Variants in TRAPPC2L observed in about 807,000 individuals in gnomAD.
TRAPPC2L encodes trafficking protein particle complex subunit 2-like protein.
TRAPPC2L carries 17 observed loss-of-function variants against 13.2 expected under a neutral mutation model. The observed-to-expected ratio is 1.29, with a 90% CI of 0.88 to 1.93. TRAPPC2L has a LOEUF of 1.93. Among genes scored for constraint, TRAPPC2L ranks in the 30% most tolerant of loss-of-function variants. The pLI is 0.00. For missense variants in TRAPPC2L, 359 were observed against 252.1 expected, an observed-to-expected ratio of 1.42 and a Z score of -2.87; for synonymous variants, 150 against 98.1, an observed-to-expected ratio of 1.53 and a Z score of -3.12.
At chr16:88,856,447 C>G (rs1967889524), upstream of TRAPPC2L, 1 of 700,506 alleles carries the variant, frequency 1.4e-6, no homozygotes, top group African/African-American at 1.7e-5. Flanking sequence ...CGCCGGCCAC[C>G]CACCTGCCAG....
exon 4 of TRAPPC2L, chr16:88,861,086 C>T (rs1347386544): frequency 2.6e-5 from 23 of 879,290 alleles, no homozygotes; most frequent in Non-Finnish European, 3.2e-5. Context: ...TGTGCATGTT[C>T]TCTCAACTAA....
chr16:88,861,671 C>T (rs372922390), exon 4 of TRAPPC2L: 25 of 493,378 alleles, frequency 5.1e-5, no homozygotes, highest in African/African-American at 1.8e-4. Flanking sequence ...GCGGCCGAGC[C>T]CATAGTGGCG....
chr16:88,856,462 G>A, upstream of TRAPPC2L: 2 of 700,390 alleles, frequency 2.9e-6, no homozygotes, highest in South Asian at 1.5e-5. Flanking sequence ...TGCCAGGGAG[G>A]ACGCTGTCCC....
exon 4 of TRAPPC2L, chr16:88,861,992 C>G (rs1035193555): frequency 9.8e-6 from 2 of 204,930 alleles, no homozygotes; most frequent in Admixed American, 6.0e-5. Context: ...CTCCCCCGCC[C>G]CAGGGTGAAT....
chr16:88,862,634 T>C (rs1968464232), exon 4 of TRAPPC2L: 1 of 68,892 alleles, frequency 1.5e-5, no homozygotes, highest in African/African-American at 9.7e-5. Flanking sequence ...TAAATTCAGC[T>C]TTTTTTTTAA....
At chr16:88,856,959 C>CG (rs1235054403), upstream of TRAPPC2L, 491 of 1,428,628 alleles carry the variant, frequency 3.4e-4, 2 homozygotes, top group South Asian at 1.2e-3. Flanking sequence ...GGCTGCGGGG[C>CG]GGGGCCTGGA....
chr16:88,860,000 CCTT>C, exon 4 of TRAPPC2L: 1 of 1,607,306 alleles, frequency 6.2e-7, no homozygotes, highest in Non-Finnish European at 8.5e-7. Flanking sequence ...TGTCTTGCCA[CCTT>C]CTTTCTGTAG....
In TRAPPC2L at chr16:88,859,793, GT is replaced by G; in HGVS notation, c.294+48del. On this transcript the variant is annotated intron_variant, in intron 3 of 3. Coordinates refer to ENST00000565504, the Ensembl canonical transcript of TRAPPC2L. ...AGGGCCACGCCCGAGTGGGTGTTTT[GT>G]TTTTCCTTTTTGACTTTGTTTTGAA... 4 of 1,594,292 alleles carry G rather than the reference GT, an allele frequency of 2.5e-6. No homozygotes were observed. In the African/African-American group the frequency reaches 5.4e-5, roughly 22 times the overall value.
upstream of TRAPPC2L, chr16:88,856,277 C>T (rs1226040603): frequency 4.3e-6 from 3 of 702,924 alleles, no homozygotes; most frequent in Non-Finnish European, 7.8e-6. Context: ...GGGGACCCGG[C>T]GGCCCGAGGT....
At chr16:88,856,926 G>T (rs761795179), upstream of TRAPPC2L, 15 of 1,479,772 alleles carry the variant, frequency 1.0e-5, no homozygotes, top group Admixed American at 4.7e-5. Flanking sequence ...GACCTAGCGA[G>T]CGTCCGCCGG....
chr16:88,858,778 G>A (rs1968168455), exon 2 of TRAPPC2L: 1 of 1,613,312 alleles, frequency 6.2e-7, no homozygotes, highest in Admixed American at 1.7e-5. Context: ...CTACCCCACG[G>A]AGGACTACAA....
At chr16:88,858,503 G>T in intron 1 of TRAPPC2L, 116 bp from the exon 2 acceptor site, 1 of 1,133,148 alleles carries the variant, frequency 8.8e-7, no homozygotes, top group African/African-American at 1.5e-5. Context: ...GTGGGCCTTA[G>T]AGCATGGGAA....
chr16:88,861,032 G>A (rs781585577), exon 4 of TRAPPC2L: 2 of 1,481,146 alleles, frequency 1.4e-6, no homozygotes, highest in Non-Finnish European at 9.2e-7. Flanking sequence ...TGTTCTGGTT[G>A]CCTCTTCCTG....
At chr16:88,856,402 G>A (rs1309652364), upstream of TRAPPC2L, 10 of 701,572 alleles carry the variant, frequency 1.4e-5, no homozygotes, top group Non-Finnish European at 2.6e-5. Flanking sequence ...TAGAGGGCGG[G>A]AAAGGTCAGA....
upstream of TRAPPC2L, chr16:88,856,271 A>T: frequency 1.4e-6 from 1 of 702,844 alleles, no homozygotes. Flanking sequence ...CAGCGGGGGG[A>T]CCCGGCGGCC....
chr16:88,859,044 G>A (rs988143521), intron 2 of TRAPPC2L: 6 of 533,236 alleles, frequency 1.1e-5, no homozygotes, highest in African/African-American at 9.5e-5. Flanking sequence ...GTTTGCAGAG[G>A]AAGTGGGACA....
At chr16:88,858,944 A>G (rs1419432488) in intron 2 of TRAPPC2L, 153 bp downstream of exon 2, 7 of 745,010 alleles carry the variant, frequency 9.4e-6, no homozygotes, top group Non-Finnish European at 1.5e-5. Context: ...GAAGGCCTGT[A>G]ACTCTTCTCT....
At chr16:88,857,066 C>G (rs1352771478), upstream of TRAPPC2L, 2 of 1,490,140 alleles carry the variant, frequency 1.3e-6, no homozygotes, top group Non-Finnish European at 8.9e-7. Flanking sequence ...CCTGAGCCAG[C>G]TGTGTGCGGA....
chr16:88,860,126 A>C (rs1483162450), exon 4 of TRAPPC2L: 1 of 761,772 alleles, frequency 1.3e-6, no homozygotes, highest in Non-Finnish European at 2.3e-6. Context: ...TAAAGCCACA[A>C]AGCCCCGTTT....
Sources: allele counts gnomAD v4.1 joint callset, GRCh38; gene constraint gnomAD v4.1.1; transcripts MANE v1.5; gene names NCBI Gene and HGNC (gene_info 2026-07-23, HGNC 2026-07-21).